Variants in PCDHA3 observed in about 807,000 individuals in gnomAD.
PCDHA3 encodes the protein protocadherin alpha-3.
PCDHA3 carries 41 observed loss-of-function variants against 62.2 expected under a neutral mutation model. The observed-to-expected ratio is 0.66, with a 90% CI of 0.51 to 0.86. PCDHA3 has a LOEUF of 0.86. Among genes scored for constraint, PCDHA3 ranks in the 40% least tolerant of loss-of-function variants. PCDHA3 has a pLI of 0.00. For synonymous variants in PCDHA3, 640 were observed against 555.4 expected, an observed-to-expected ratio of 1.15 and a Z score of -2.14; for missense variants, 1,304 against 1,241.2, an observed-to-expected ratio of 1.05 and a Z score of -0.76.
chr5:140,883,000 ATCCGT>A (rs1554176436), intron 1 of PCDHA3: 1 of 1,614,138 alleles, frequency 6.2e-7, no homozygotes, highest in Non-Finnish European at 8.5e-7. Flanking sequence ...AATTTTACCA[ATCCGT>A]TTATAAAGTG....
At chr5:140,955,692 T>A (rs1021752704) in intron 1 of PCDHA3, among the ~76,000 whole-genome samples, 1 of 152,196 alleles carries the variant, frequency 6.6e-6, no homozygotes, top group African/African-American at 2.4e-5. Context: ...CTGTGATGAA[T>A]GTCAATGGAA....
At chr5:140,839,764 G>A (rs893515240) in intron 1 of PCDHA3, among the ~76,000 whole-genome samples, 1 of 151,822 alleles carries the variant, frequency 6.6e-6, no homozygotes, top group South Asian at 2.1e-4. Flanking sequence ...TTTAACCTAC[G>A]TTTTTGGTAA....
intron 1 of PCDHA3, among the ~76,000 whole-genome samples, chr5:140,904,216 ATTG>A (rs2070958692): frequency 6.6e-6 from 1 of 151,842 alleles, no homozygotes; most frequent in East Asian, 1.9e-4. Flanking sequence ...CCCAAAGTCC[ATTG>A]TATTATACTT....
intron 1 of PCDHA3, chr5:140,852,590 T>A (rs2042399836): frequency 1.1e-6 from 1 of 893,664 alleles, no homozygotes; most frequent in African/African-American, 1.8e-5. Context: ...TTATTTTTTT[T>A]TTTTGTCATT....
intron 1 of PCDHA3, chr5:140,830,393 G>T (rs1388629889): frequency 4.3e-6 from 7 of 1,614,072 alleles, no homozygotes; most frequent in African/African-American, 1.3e-5. Flanking sequence ...ACCCAAGATG[G>T]ATCTCATGGC....
intron 1 of PCDHA3, chr5:140,871,274 C>T (rs1554165360): frequency 6.2e-7 from 1 of 1,613,824 alleles, no homozygotes; most frequent in East Asian, 2.2e-5. Flanking sequence ...TGGTGGTCGG[C>T]AACGCCCACT....
rs782058857 is a variant in PCDHA3 at position 140,870,963 on chromosome 5, G to A, written c.2394+67372G>A. Reference sequence around the variant, plus strand: ...CGGCGGCGGGCGGCTCGCGCATCCCGTTCCGCGTGGGGCTGTACACGGGCG... The same window carrying A: ...CGGCGGCGGGCGGCTCGCGCATCCCATTCCGCGTGGGGCTGTACACGGGCG... On this transcript the variant is annotated intron_variant, in intron 1 of 3. Coordinates refer to ENST00000522353, the MANE Select transcript of PCDHA3 (RefSeq NM_018906.3). 1.4e-5 allele frequency: 22 copies of A among 1,613,504 alleles called. 1 individual carries two copies. The highest frequency in any genetic ancestry group is 1.9e-5 in the Non-Finnish European group (22 of 1,179,890).
Position 140,802,928 on chromosome 5 carries a change from G to C in PCDHA3, c.1731G>C (p.Val577=). 6.2e-7 allele frequency: 1 copy of C among 1,613,822 alleles called. No individual in the cohort carries two copies. The highest frequency in any genetic ancestry group is 8.5e-7 in the Non-Finnish European group (1 of 1,179,874). ...MPRVGGIGGA[V]SELVPRSVGA... is the part of the protein sequence containing the mutation. The stretch of plus-strand genomic sequence containing the variant: ...GGGTGGGTGGCATCGGTGGCGCAGT[G>C]AGCGAGCTGGTGCCGCGGTCAGTGG... The change falls in exon 1 of 4, where the codon GTG becomes GTC. Residue 577 remains valine (V), a synonymous_variant. Coordinates refer to ENST00000522353, the MANE Select transcript of PCDHA3 (RefSeq NM_018906.3).
chr5:140,838,021 A>T (rs190658901), intron 1 of PCDHA3, among the ~76,000 whole-genome samples: 1 of 151,324 alleles, frequency 6.6e-6, no homozygotes, highest in African/African-American at 2.4e-5. Flanking sequence ...AAGTGATTAC[A>T]GTAGAAACCT....
At chr5:140,881,559 C>A (rs1293330721) in intron 1 of PCDHA3, among the ~76,000 whole-genome samples, 1 of 152,174 alleles carries the variant, frequency 6.6e-6, no homozygotes, top group East Asian at 1.9e-4. Context: ...ATATAAATAT[C>A]TTATCTACAT....
intron 1 of PCDHA3, among the ~76,000 whole-genome samples, chr5:140,972,862 T>C (rs781936892): frequency 2.0e-5 from 3 of 151,966 alleles, no homozygotes; most frequent in Non-Finnish European, 4.4e-5. Context: ...TGGGGTTTCA[T>C]CATGTTGTCC....
intron 1 of PCDHA3, chr5:140,835,346 G>A (rs1773586509): frequency 6.2e-7 from 1 of 1,613,652 alleles, no homozygotes; most frequent in African/African-American, 1.3e-5. Flanking sequence ...TCCCAGTCGA[G>A]GCTGTCGATA....
At chr5:140,957,549 C>G (rs563057107) in intron 1 of PCDHA3, among the ~76,000 whole-genome samples, 1 of 152,156 alleles carries the variant, frequency 6.6e-6, no homozygotes, top group South Asian at 2.1e-4. Context: ...AAAGTATTCT[C>G]TGTGGAAAAG....
intron 1 of PCDHA3, among the ~76,000 whole-genome samples, chr5:140,965,210 T>C (rs1554227481): frequency 6.6e-6 from 1 of 152,214 alleles, no homozygotes; most frequent in Non-Finnish European, 1.5e-5. Context: ...TTCAAATTCC[T>C]GTGGAAGAAA....
intron 1 of PCDHA3, among the ~76,000 whole-genome samples, chr5:140,890,494 C>A (rs1554184398): frequency 1.3e-5 from 2 of 152,064 alleles, no homozygotes; most frequent in South Asian, 4.1e-4. Context: ...TTTGTCTCAC[C>A]ATTTTTATGT....
intron 3 of PCDHA3, among the ~76,000 whole-genome samples, chr5:140,996,006 C>G (rs962825775): frequency 6.6e-6 from 1 of 152,204 alleles, no homozygotes; most frequent in Non-Finnish European, 1.5e-5. Context: ...GTCGTCAGAA[C>G]TATTACTACT....
chr5:140,982,612 C>T, intron 3 of PCDHA3, 49 bp downstream of exon 3: 2 of 1,599,360 alleles, frequency 1.3e-6, no homozygotes, highest in Non-Finnish European at 1.7e-6. Context: ...GGAAAGTGAT[C>T]AGATGACCTA....
rs2150478834 is a variant in PCDHA3 at position 140,850,308 on chromosome 5, G to A, written c.2394+46717G>A. 1.9e-6 allele frequency: 3 copies of A among 1,597,160 alleles called. No individual in the cohort carries two copies. In the South Asian group the frequency reaches 3.3e-5, roughly 18 times the overall value. ...AGTGGACGCCGACTCGGGCTACAAC[G>A]CGTGGCTTTCATACGAGCTGCAGCC... On this transcript the variant is annotated intron_variant, in intron 1 of 3. Coordinates refer to ENST00000522353, the MANE Select transcript of PCDHA3 (RefSeq NM_018906.3).
Position 140,941,114 on chromosome 5 carries a change from T to G in PCDHA3, c.2395-37835T>G, listed in dbSNP as rs193134067. ...TTTCACATACTATTACTGGAAAGAT[T>G]AGTCCTTTGAAGTTCCAGCTTAATG... On this transcript the variant is annotated intron_variant, in intron 1 of 3. Coordinates refer to ENST00000522353, the MANE Select transcript of PCDHA3 (RefSeq NM_018906.3). Among the ~76,000 whole-genome samples, 307 of 152,230 alleles carry G rather than the reference T, an allele frequency of 2.0e-3. 3 individuals carry two copies. Among genetic ancestry groups the G allele is most frequent in the African/African-American group, 7.2e-3 (299 of 41,546 alleles).
Sources: gnomAD v4.1 joint callset for allele counts (sites outside exome capture counted in the v4.1 genomes callset) on GRCh38, gnomAD v4.1.1 for gene constraint, MANE v1.5 for transcripts, NCBI Gene and HGNC (gene_info 2026-07-23, HGNC 2026-07-21) for gene names.